Variants in ANKRD28 observed in about 807,000 individuals in gnomAD.
ANKRD28 encodes the protein ankyrin repeat domain 28.
Under a neutral mutation model 126.5 loss-of-function variants are expected in ANKRD28, and 44 were observed. The observed-to-expected ratio is 0.35, with a 90% CI of 0.27 to 0.45. The LOEUF is 0.45. Ranked by LOEUF, ANKRD28 falls within the 20% of genes least tolerant of loss-of-function variation. ANKRD28 has a pLI of 1.00. For synonymous variants in ANKRD28, 442 were observed against 468.5 expected, an observed-to-expected ratio of 0.94 and a Z score of 0.73; for missense variants, 1,110 against 1,316.6, an observed-to-expected ratio of 0.84 and a Z score of 2.43.
upstream of ANKRD28, among the ~76,000 whole-genome samples, chr3:15,798,381 C>A (rs943197989): frequency 3.3e-5 from 5 of 152,060 alleles, no homozygotes; most frequent in African/African-American, 4.8e-5. Flanking sequence ...TTACCAAGAT[C>A]AGTTTTAATC....
At chr3:15,686,663 C>T (rs760628161) in intron 18 of ANKRD28, among the ~76,000 whole-genome samples, 3 of 152,208 alleles carry the variant, frequency 2.0e-5, no homozygotes, top group Admixed American at 1.3e-4. Context: ...AAGTCAATCA[C>T]AAGAACCCCA....
chr3:15,762,834 T>C (rs185793239), intron 3 of ANKRD28, among the ~76,000 whole-genome samples: 2,920 of 152,280 alleles, frequency 0.019, 95 homozygotes, highest in African/African-American at 0.066. Flanking sequence ...TGACATAATC[T>C]CATTTGCTTC....
intron 17 of ANKRD28, among the ~76,000 whole-genome samples, chr3:15,693,154 A>G (rs886837438): frequency 6.6e-6 from 1 of 152,234 alleles, no homozygotes; most frequent in Non-Finnish European, 1.5e-5. Flanking sequence ...AACCTTTACA[A>G]GATAAAAAGA....
upstream of ANKRD28, among the ~76,000 whole-genome samples, chr3:15,801,763 C>G (rs2060470023): frequency 6.6e-6 from 1 of 152,138 alleles, no homozygotes; most frequent in African/African-American, 2.4e-5. This position sits in a 1 kb window ranked among gnomAD's most constrained non-coding sequence, Gnocchi z 4.9. Flanking sequence ...AAGAAAGTCA[C>G]TAGGTATTCA....
intron 1 of ANKRD28, among the ~76,000 whole-genome samples, chr3:15,857,048 C>T (rs934597942): frequency 5.3e-5 from 8 of 152,222 alleles, no homozygotes; most frequent in Admixed American, 5.2e-4. Context: ...ACCTGCTTTT[C>T]CTGTAGACGG....
intron 27 of ANKRD28, among the ~76,000 whole-genome samples, chr3:15,673,355 C>T (rs537541547): frequency 6.6e-6 from 1 of 152,330 alleles, no homozygotes; most frequent in South Asian, 2.1e-4. Flanking sequence ...GAAGTTAGTA[C>T]AGTGCTTGGC....
At chr3:15,777,323 A>G (rs1205697373) in intron 2 of ANKRD28, among the ~76,000 whole-genome samples, 1 of 152,078 alleles carries the variant, frequency 6.6e-6, no homozygotes, top group Non-Finnish European at 1.5e-5. Flanking sequence ...AAAACTGAAA[A>G]AACTACTTAT....
Position 15,797,229 on chromosome 3 carries a change from T to C in ANKRD28, c.-708A>G, listed in dbSNP as rs552728489. 3.0e-5 allele frequency: 29 copies of C among 980,554 alleles called. No homozygotes were observed. The South Asian group carries it at 9.0e-4, about 30-fold the overall frequency. 60.7% of individuals were successfully genotyped at this position (980,554 alleles called of 1,614,324 possible). A position where few individuals can be genotyped will look rare whatever the true frequency, so the allele number is the denominator to read the frequency against. Reference sequence around the variant, plus strand: ...AAAAACAAAAAAAAAAAAACCACTCTGCATTAATAGCAAAGCTGCAGTACG... The same window carrying C: ...AAAAACAAAAAAAAAAAAACCACTCCGCATTAATAGCAAAGCTGCAGTACG... On this transcript the variant is annotated 5_prime_UTR_variant, in exon 1 of 28. Transcript: ENST00000683139.
chr3:15,735,136 C>T (rs1438867086), intron 6 of ANKRD28, among the ~76,000 whole-genome samples: 1 of 152,058 alleles, frequency 6.6e-6, no homozygotes, highest in African/African-American at 2.4e-5. Flanking sequence ...CTTTAGTAAA[C>T]ATCAATCCTA....
At chr3:15,709,389 A>C (rs1398048505) in intron 13 of ANKRD28, among the ~76,000 whole-genome samples, 1 of 152,088 alleles carries the variant, frequency 6.6e-6, no homozygotes, top group Non-Finnish European at 1.5e-5. Flanking sequence ...ACATTTCCAT[A>C]GTCATAATTT....
At position 15,690,151 on chromosome 3, in the gene ANKRD28, T is replaced by C; in HGVS notation, c.1831A>G (p.Ser611Gly). 6.2e-7 allele frequency: 1 copy of C among 1,609,910 alleles called. No individual in the cohort carries two copies. Among genetic ancestry groups the C allele is most frequent in the African/African-American group, 1.3e-5 (1 of 75,012 alleles). Residue 611 changes from serine to glycine, a missense_variant, in exon 18 of 28, where the codon AGT (serine) becomes GGT (glycine). Coordinates refer to ENST00000683139, the MANE Select transcript of ANKRD28 (RefSeq NM_001349278.2). ...QSLLDLDVRN[S>G]SGRTPLDLAA... ...AGATCTAGGGGTGTTCTTCCACTAC[T>C]ATTTCTGACATCAAGATCTAACAAA...
chr3:15,783,288 G>A (rs1359419557), intron 2 of ANKRD28, among the ~76,000 whole-genome samples: 1 of 151,776 alleles, frequency 6.6e-6, no homozygotes, highest in Non-Finnish European at 1.5e-5. Flanking sequence ...ACAAGATCAC[G>A]AAAAGATTAC....
At position 15,839,358 on chromosome 3, in the gene ANKRD28, T is replaced by C. The variant is rs2061385969; in HGVS notation, c.27+20019A>G. On this transcript the variant is annotated intron_variant, in intron 1 of 27. Coordinates refer to the ANKRD28 transcript ENST00000399451. The surrounding 1 kb of genome is among the most constrained non-coding windows in gnomAD (Gnocchi z 4.3). ...CTGATCAGCTGTTCAGGACCTTAGC[T>C]GTAGAAGACATAACAAAAAACAACT... Among the ~76,000 whole-genome samples the C allele has an allele frequency of 6.6e-6, 1 of 152,128 alleles. No individual in the cohort carries two copies. The highest frequency in any genetic ancestry group is 1.5e-5 in the Non-Finnish European group (1 of 68,022).
chr3:15,836,845 C>G (rs1430635651), intron 1 of ANKRD28, among the ~76,000 whole-genome samples: 1 of 152,084 alleles, frequency 6.6e-6, no homozygotes, highest in Non-Finnish European at 1.5e-5. Context: ...CCTGTAATAA[C>G]AGGCCGAGGC....
intron 3 of ANKRD28, among the ~76,000 whole-genome samples, chr3:15,753,930 G>A (rs1270192575): frequency 7.2e-5 from 11 of 152,138 alleles, no homozygotes; most frequent in Admixed American, 7.2e-4. Context: ...GCAAGATAGT[G>A]AGACTCTGTC....
chr3:15,791,041 A>G (rs2060000505), intron 2 of ANKRD28, among the ~76,000 whole-genome samples: 1 of 152,140 alleles, frequency 6.6e-6, no homozygotes, highest in South Asian at 2.1e-4. Flanking sequence ...ATAGCCATAC[A>G]TAAAATTAAA....
At chr3:15,758,928 T>G (rs1032811100) in intron 3 of ANKRD28, among the ~76,000 whole-genome samples, 4 of 152,196 alleles carry the variant, frequency 2.6e-5, no homozygotes, top group African/African-American at 7.2e-5. Flanking sequence ...TTTTGACAAA[T>G]GCCTTCCACA....
intron 14 of ANKRD28, among the ~76,000 whole-genome samples, chr3:15,699,636 GCTC>G (rs2070249322): frequency 1.3e-5 from 2 of 152,334 alleles, no homozygotes; most frequent in South Asian, 4.1e-4. Flanking sequence ...ACAAAAAAAT[GCTC>G]ATCATCACTG....
At chr3:15,765,726 G>C (rs540954530) in intron 3 of ANKRD28, among the ~76,000 whole-genome samples, 1 of 152,028 alleles carries the variant, frequency 6.6e-6, no homozygotes, top group East Asian at 1.9e-4. Flanking sequence ...TGTAATCCCA[G>C]CTACTCGGGA....
Sources: allele counts gnomAD v4.1 joint callset (sites outside exome capture counted in the v4.1 genomes callset), GRCh38; gene constraint gnomAD v4.1.1; non-coding constraint Gnocchi (gnomAD v3.1); transcripts MANE v1.5; gene names NCBI Gene and HGNC (gene_info 2026-07-23, HGNC 2026-07-21).